Variants in EXT1 observed in about 807,000 individuals in gnomAD.
The protein encoded by EXT1 is exostosin-1.
In EXT1, 20 loss-of-function variants were observed where a neutral mutation model predicts 82.5. The ratio of observed to expected loss-of-function variants is 0.24; its 90% CI spans 0.17 to 0.35. EXT1 has a LOEUF of 0.35. EXT1 is among the 10% of genes least tolerant of loss of function. The pLI is 1.00. For missense variants in EXT1, 757 were observed against 936.5 expected, an observed-to-expected ratio of 0.81 and a Z score of 2.50; for synonymous variants, 348 against 350.8, an observed-to-expected ratio of 0.99 and a Z score of 0.09.
chr8:118,074,047 A>C (rs1817156123), intron 1 of EXT1, among the ~76,000 whole-genome samples: 1 of 151,848 alleles, frequency 6.6e-6, no homozygotes, highest in Admixed American at 6.6e-5. Flanking sequence ...ACAAGAGCGG[A>C]CAAAGAATTA....
At chr8:118,027,929 TA>T (rs1761187309) in intron 1 of EXT1, among the ~76,000 whole-genome samples, 1 of 152,192 alleles carries the variant, frequency 6.6e-6, no homozygotes, top group African/African-American at 2.4e-5. Context: ...TATCAACACA[TA>T]TTAGTCATGC....
intron 1 of EXT1, among the ~76,000 whole-genome samples, chr8:117,989,880 G>A (rs1815398011): frequency 6.6e-6 from 1 of 152,196 alleles, no homozygotes; most frequent in Non-Finnish European, 1.5e-5. Context: ...TGGAAAATGG[G>A]AAAAAGCAAA....
chr8:117,847,631 C>T (rs1812383998), intron 1 of EXT1, among the ~76,000 whole-genome samples: 1 of 152,140 alleles, frequency 6.6e-6, no homozygotes, highest in Admixed American at 6.5e-5. Context: ...AACCCTGCAC[C>T]AGTCCAAAAA....
chr8:117,811,615 G>C (rs1233665865), intron 8 of EXT1, among the ~76,000 whole-genome samples: 1 of 150,028 alleles, frequency 6.7e-6, no homozygotes, highest in Non-Finnish European at 1.5e-5. Flanking sequence ...AAGCATCTAT[G>C]GAATTTTTTT....
At chr8:118,029,920 C>T (rs1816277080) in intron 1 of EXT1, among the ~76,000 whole-genome samples, 1 of 152,190 alleles carries the variant, frequency 6.6e-6, no homozygotes, top group African/African-American at 2.4e-5. Context: ...ACAAGTTCAA[C>T]CAAACTCTTG....
chr8:118,019,612 A>G (rs565742087), intron 1 of EXT1, among the ~76,000 whole-genome samples: 102 of 152,324 alleles, frequency 6.7e-4, no homozygotes, highest in African/African-American at 2.3e-3. Flanking sequence ...AGTCATCTCT[A>G]AGATCTTAGT....
intron 1 of EXT1, among the ~76,000 whole-genome samples, chr8:118,016,650 C>T (rs1816009640): frequency 6.6e-6 from 1 of 152,204 alleles, no homozygotes; most frequent in South Asian, 2.1e-4. Context: ...CCATCTTCTG[C>T]TCTGCATTAT....
rs28357295 is a variant in EXT1 at position 117,938,889 on chromosome 8, T to C, written c.963-101688A>G. On this transcript the variant is annotated intron_variant, in intron 1 of 10. Coordinates refer to ENST00000378204, the MANE Select transcript of EXT1 (RefSeq NM_000127.3). Reference sequence around the variant, plus strand: ...CAAGAAATATTTATTGAATAATCACTATTTGCAAAGCACTCCATCCTAGCA... The same window carrying C: ...CAAGAAATATTTATTGAATAATCACCATTTGCAAAGCACTCCATCCTAGCA... Among the ~76,000 whole-genome samples the C allele has an allele frequency of 2.2e-4, 33 of 152,344 alleles. No homozygotes were observed. In the East Asian group the frequency reaches 6.4e-3, roughly 29 times the overall value.
intron 1 of EXT1, among the ~76,000 whole-genome samples, chr8:118,029,761 G>A (rs1011154059): frequency 2.0e-5 from 3 of 152,166 alleles, no homozygotes; most frequent in African/African-American, 4.8e-5. Context: ...CACTTTGCTC[G>A]TTTTACTTAC....
chr8:117,842,654 A>G (rs1796801597), intron 1 of EXT1, among the ~76,000 whole-genome samples: 1 of 152,232 alleles, frequency 6.6e-6, no homozygotes, highest in South Asian at 2.1e-4. Flanking sequence ...AAGAATGAAA[A>G]CTACACCAGT....
At chr8:117,912,312 C>A (rs1389745820) in intron 1 of EXT1, among the ~76,000 whole-genome samples, 8 of 152,202 alleles carry the variant, frequency 5.3e-5, no homozygotes, top group Non-Finnish European at 2.9e-5. Context: ...CTGAGATTTA[C>A]CCTTTACAAT....
chr8:117,968,232 A>G (rs958301691), intron 1 of EXT1, among the ~76,000 whole-genome samples: 3 of 152,064 alleles, frequency 2.0e-5, no homozygotes, highest in Non-Finnish European at 4.4e-5. Flanking sequence ...CAACCTCCCC[A>G]GTAGCTGTGA....
At chr8:118,002,954 A>T (rs1815702851) in intron 1 of EXT1, among the ~76,000 whole-genome samples, 1 of 152,186 alleles carries the variant, frequency 6.6e-6, no homozygotes, top group South Asian at 2.1e-4. Flanking sequence ...CACAATTCCC[A>T]ATTGCAAAAA....
intron 1 of EXT1, among the ~76,000 whole-genome samples, chr8:117,875,282 A>T (rs1297200359): frequency 6.6e-6 from 1 of 152,086 alleles, no homozygotes; most frequent in Non-Finnish European, 1.5e-5. Context: ...TTAGCCAGGC[A>T]TGGTGGTGCG....
intron 3 of EXT1, among the ~76,000 whole-genome samples, chr8:117,833,345 G>A (rs370926565): frequency 1.3e-5 from 2 of 152,172 alleles, no homozygotes; most frequent in African/African-American, 2.4e-5. Context: ...GGCTGGGCGC[G>A]CTGGCTCACG....
At chr8:117,962,338 C>A (rs1416579600) in intron 1 of EXT1, among the ~76,000 whole-genome samples, 3 of 152,156 alleles carry the variant, frequency 2.0e-5, no homozygotes, top group African/African-American at 7.2e-5. Context: ...GGTGCTGTGC[C>A]TCACACCTGT....
intron 1 of EXT1, among the ~76,000 whole-genome samples, chr8:117,842,413 A>C (rs985736868): frequency 6.6e-6 from 1 of 152,240 alleles, no homozygotes; most frequent in Non-Finnish European, 1.5e-5. Context: ...AAACACAGCC[A>C]GCTTCAAGTT....
At chr8:118,073,677 GAGAAGAGAAGAGAAGAGAAGAGAAGAGA>G (rs1487424252) in intron 1 of EXT1, among the ~76,000 whole-genome samples, 21 of 148,728 alleles carry the variant, frequency 1.4e-4, no homozygotes, top group South Asian at 1.1e-3. Context: ...GAGAAGAGAA[GAGAAGAGAAGAGAAGAGAAGAGAAGAGA>G]AGCCTCTTAA....
chr8:118,028,752 G>A (rs1424176864), intron 1 of EXT1, among the ~76,000 whole-genome samples: 7 of 151,596 alleles, frequency 4.6e-5, no homozygotes, highest in Non-Finnish European at 2.9e-5. Context: ...CAACAACCCC[G>A]TCTCTACTAA....
Sources: gnomAD v4.1 joint callset for allele counts (sites outside exome capture counted in the v4.1 genomes callset) on GRCh38, gnomAD v4.1.1 for gene constraint, MANE v1.5 for transcripts, NCBI Gene and HGNC (gene_info 2026-07-23, HGNC 2026-07-21) for gene names.